The following FAM227B variants were observed in gnomAD, a reference collection of about 807,000 sequenced individuals.
The protein encoded by FAM227B is family with sequence similarity 227 member B, also known as protein FAM227B.
In FAM227B, 88 loss-of-function variants were observed where a neutral mutation model predicts 73.8. The observed-to-expected ratio is 1.19, with a 90% CI of 1.00 to 1.42. The LOEUF (loss-of-function observed/expected upper bound fraction) is 1.42, where lower values mean the gene tolerates loss of function less well. Ranked by LOEUF, FAM227B falls within the 40% of genes most tolerant of loss-of-function variation. The probability of loss-of-function intolerance (pLI) is 0.00; values close to 1 mark genes in which losing one functional copy is unlikely to be tolerated. For synonymous variants in FAM227B, 210 were observed against 190.5 expected (o/e 1.10, Z -0.84); for missense variants, 632 against 590.9 (o/e 1.07, Z -0.72).
chr15:49,540,481 G>C (rs914583544), intron 10 of FAM227B, among the ~76,000 whole-genome samples: 4 of 152,054 alleles, frequency 2.6e-5, no homozygotes, highest in African/African-American at 9.7e-5. Context: ...TTTGTTCATG[G>C]GTAGCTGTCT....
intron 5 of FAM227B, among the ~76,000 whole-genome samples, chr15:49,584,313 A>G (rs1241591367): frequency 6.6e-6 from 1 of 152,218 alleles, no homozygotes; most frequent in African/African-American, 2.4e-5. Context: ...AAAATTCAAC[A>G]TCCTTTCATG....
intron 11 of FAM227B, among the ~76,000 whole-genome samples, chr15:49,492,513 T>C (rs1254712052): frequency 6.6e-6 from 1 of 151,958 alleles, no homozygotes; most frequent in African/African-American, 2.4e-5. Context: ...TCTCATTTAT[T>C]GTACATGTCA....
At chr15:49,596,908 A>G (rs538976818) in intron 3 of FAM227B, among the ~76,000 whole-genome samples, 1 of 152,160 alleles carries the variant, frequency 6.6e-6, no homozygotes, top group African/African-American at 2.4e-5. Context: ...GGCCTAGTCC[A>G]ACAGGAAAAT....
intron 3 of FAM227B, among the ~76,000 whole-genome samples, chr15:49,593,995 G>T (rs1461098133): frequency 6.6e-6 from 1 of 152,076 alleles, no homozygotes; most frequent in Admixed American, 6.5e-5. Context: ...AGTTCTTCAA[G>T]GAATCTCCAT....
At chr15:49,337,839 GT>G (rs1442055241) in intron 13 of FAM227B, among the ~76,000 whole-genome samples, 1 of 151,992 alleles carries the variant, frequency 6.6e-6, no homozygotes, top group Non-Finnish European at 1.5e-5. Flanking sequence ...TCCCTGCAAT[GT>G]TTTTTATGGC....
chr15:49,595,533 G>A (rs1282702891), intron 3 of FAM227B, among the ~76,000 whole-genome samples: 3 of 151,898 alleles, frequency 2.0e-5, no homozygotes, highest in Non-Finnish European at 2.9e-5. Context: ...GTTCTCAGAA[G>A]GAATGTTTTA....
chr15:49,468,210 G>A (rs893850176), intron 11 of FAM227B, among the ~76,000 whole-genome samples: 20 of 152,036 alleles, frequency 1.3e-4, no homozygotes, highest in African/African-American at 4.8e-4. Context: ...AAATATATAT[G>A]GGATTAATAA....
chr15:49,618,668 A>G (rs1170620055), intron 1 of FAM227B, among the ~76,000 whole-genome samples: 5 of 152,208 alleles, frequency 3.3e-5, no homozygotes, highest in Non-Finnish European at 5.9e-5. Flanking sequence ...ACACACTTGG[A>G]GGTGGTGTTG....
intron 11 of FAM227B, among the ~76,000 whole-genome samples, chr15:49,500,319 G>T (rs1333094744): frequency 6.6e-6 from 1 of 152,220 alleles, no homozygotes; most frequent in Non-Finnish European, 1.5e-5. Flanking sequence ...AGACACTTCA[G>T]CAGGCACTCA....
chr15:49,427,227 A>T (rs1414727293), intron 11 of FAM227B, among the ~76,000 whole-genome samples: 1 of 152,026 alleles, frequency 6.6e-6, no homozygotes, highest in Non-Finnish European at 1.5e-5. Flanking sequence ...AATGCTCAGA[A>T]TTTGTTTAAA....
At chr15:49,517,341 A>C (rs529242628) in intron 10 of FAM227B, among the ~76,000 whole-genome samples, 1 of 152,354 alleles carries the variant, frequency 6.6e-6, no homozygotes, top group East Asian at 1.9e-4. Flanking sequence ...TATATGATAC[A>C]TTAAAGAGAA....
intron 3 of FAM227B, among the ~76,000 whole-genome samples, chr15:49,609,702 C>CA (rs2077759386): frequency 6.6e-6 from 1 of 151,806 alleles, no homozygotes; most frequent in African/African-American, 2.4e-5. Context: ...CTTTGTATAG[C>CA]AAACAAAAAA....
chr15:49,426,842 C>G (rs2050173798), intron 11 of FAM227B, among the ~76,000 whole-genome samples: 1 of 151,862 alleles, frequency 6.6e-6, no homozygotes, highest in Non-Finnish European at 1.5e-5. Flanking sequence ...TTTTAATAGG[C>G]TGTATATATG....
chr15:49,435,881 T>G (rs1257552513), intron 11 of FAM227B, among the ~76,000 whole-genome samples: 1 of 151,608 alleles, frequency 6.6e-6, no homozygotes, highest in African/African-American at 2.4e-5. Context: ...AATCTTACAA[T>G]GTACAACTGG....
intron 11 of FAM227B, among the ~76,000 whole-genome samples, chr15:49,479,569 G>A (rs2152003122): frequency 6.9e-6 from 1 of 144,206 alleles, no homozygotes; most frequent in African/African-American, 2.5e-5. Flanking sequence ...CTTCTGATTT[G>A]GAGGGTAGGA....
chr15:49,584,323 G>A (rs904365965), intron 5 of FAM227B, among the ~76,000 whole-genome samples: 1 of 152,108 alleles, frequency 6.6e-6, no homozygotes, highest in African/African-American at 2.4e-5. Flanking sequence ...ATCCTTTCAT[G>A]TGAAAAACTC....
intron 1 of FAM227B, among the ~76,000 whole-genome samples, chr15:49,619,211 G>C (rs925649572): frequency 1.3e-5 from 2 of 152,150 alleles, no homozygotes; most frequent in African/African-American, 4.8e-5. Context: ...GGGGTTTTCT[G>C]TTACAGAAGT....
At chr15:49,332,201 G>T (rs776308033) in intron 14 of FAM227B, among the ~76,000 whole-genome samples, 14 of 152,092 alleles carry the variant, frequency 9.2e-5, no homozygotes, top group Non-Finnish European at 1.9e-4. Flanking sequence ...CCCACTGTGT[G>T]GTTCTCATCC....
intron 5 of FAM227B, among the ~76,000 whole-genome samples, chr15:49,587,450 A>G (rs1052004840): frequency 1.3e-5 from 2 of 152,146 alleles, no homozygotes; most frequent in Admixed American, 1.3e-4. Flanking sequence ...TTATTTATAT[A>G]ACAAACCTGC....
Sources: gnomAD v4.1 joint callset for allele counts (sites outside exome capture counted in the v4.1 genomes callset) on GRCh38, gnomAD v4.1.1 for gene constraint, MANE v1.5 for transcripts, NCBI Gene and HGNC (gene_info 2026-07-23, HGNC 2026-07-21) for gene names.